Variants in TNPO3 observed in about 807,000 individuals in gnomAD.
TNPO3 encodes the protein transportin 3, also known as transportin-3.
In TNPO3, 65 loss-of-function variants were observed where a neutral mutation model predicts 122.8. The observed-to-expected ratio is 0.53, with a 90% CI of 0.43 to 0.65. TNPO3 has a LOEUF of 0.65. Among genes scored for constraint, TNPO3 ranks in the 30% least tolerant of loss-of-function variants. The pLI is 0.00. For missense variants in TNPO3, 850 were observed against 1,136.7 expected (o/e 0.75, Z 3.63); for synonymous variants, 372 against 411.2 (o/e 0.90, Z 1.15).
At chr7:129,034,616 G>A (rs944392035) in intron 1 of TNPO3, among the ~76,000 whole-genome samples, 5 of 151,500 alleles carry the variant, frequency 3.3e-5, no homozygotes, top group African/African-American at 4.9e-5. Context: ...GAGGCCAGGC[G>A]CGGTGGCTCA....
chr7:129,013,435 A>T (rs1207331625), intron 4 of TNPO3, among the ~76,000 whole-genome samples: 1 of 56,854 alleles, frequency 1.8e-5, no homozygotes, highest in African/African-American at 4.0e-5. Flanking sequence ...AAATAATAGC[A>T]AAAAAAAAAA....
chr7:128,987,976 T>A (rs1023389212), intron 11 of TNPO3, among the ~76,000 whole-genome samples: 1 of 152,038 alleles, frequency 6.6e-6, no homozygotes, highest in Non-Finnish European at 1.5e-5. Flanking sequence ...TAACATCTTT[T>A]TTTTTCTTTT....
chr7:129,049,943 G>A (rs1808502403), intron 1 of TNPO3, among the ~76,000 whole-genome samples: 1 of 152,196 alleles, frequency 6.6e-6, no homozygotes, highest in Non-Finnish European at 1.5e-5. Context: ...AAGGAGTGGA[G>A]CTGGATGTGG....
At chr7:128,959,179 C>T (rs367730310) in intron 21 of TNPO3, among the ~76,000 whole-genome samples, 5 of 152,262 alleles carry the variant, frequency 3.3e-5, no homozygotes, top group East Asian at 3.9e-4. Flanking sequence ...CACTCATGCT[C>T]CCAATGTCAG....
At chr7:128,969,520 T>C (rs1798252095) in intron 20 of TNPO3, among the ~76,000 whole-genome samples, 1 of 152,232 alleles carries the variant, frequency 6.6e-6, no homozygotes, top group South Asian at 2.1e-4. Context: ...TTTCAGGTTA[T>C]ATTATACTTT....
At chr7:128,979,317 C>T (rs1799399233) in intron 15 of TNPO3, among the ~76,000 whole-genome samples, 194 bp from the exon 16 acceptor site, 1 of 152,214 alleles carries the variant, frequency 6.6e-6, no homozygotes, top group African/African-American at 2.4e-5. Context: ...CAAGAGAAAA[C>T]AGTGCCTCTT....
At chr7:129,034,447 G>A (rs747455582) in intron 1 of TNPO3, among the ~76,000 whole-genome samples, 39 of 151,722 alleles carry the variant, frequency 2.6e-4, no homozygotes, top group Non-Finnish European at 3.8e-4. Context: ...CAGAGGTTGC[G>A]GTGAGCCATG....
Position 129,000,485 on chromosome 7 carries a change from C to T in TNPO3, c.955G>A (p.Gly319Arg). Residue 319 changes from glycine to arginine, a missense_variant, in exon 7 of 23, where the codon GGG (glycine) becomes AGG (arginine). Coordinates refer to ENST00000265388, the MANE Select transcript of TNPO3 (RefSeq NM_012470.4). ...KIVCTPGQGL[G>R]DLRTLELLLI... ...AGCAGCTCCAGAGTTCGAAGGTCCCCAAGACCTTGGCCTGGAGTACAAACA... is the reference window on the plus strand; with the variant it reads ...AGCAGCTCCAGAGTTCGAAGGTCCCTAAGACCTTGGCCTGGAGTACAAACA... 1.9e-6 allele frequency: 3 copies of T among 1,614,068 alleles called. No individual in the cohort carries two copies. The highest frequency in any genetic ancestry group is 2.5e-6 in the Non-Finnish European group (3 of 1,179,974).
intron 4 of TNPO3, among the ~76,000 whole-genome samples, chr7:129,009,834 CA>C (rs1447497204): frequency 6.6e-6 from 1 of 152,164 alleles, no homozygotes; most frequent in African/African-American, 2.4e-5. Context: ...ACTCGTATAC[CA>C]AACTTAGTTG....
chr7:129,003,460 G>A (rs528763000), intron 5 of TNPO3, among the ~76,000 whole-genome samples: 69 of 151,692 alleles, frequency 4.5e-4, no homozygotes, highest in African/African-American at 1.2e-3. Context: ...GCTTGAGGCC[G>A]GTTCAAGACT....
chr7:128,982,124 A>C (rs546126373), intron 14 of TNPO3, 124 bp downstream of exon 14: 3 of 721,976 alleles, frequency 4.2e-6, no homozygotes, highest in Non-Finnish European at 6.6e-6. Flanking sequence ...CAGCTGGCTT[A>C]ATTAGTCTCC....
chr7:128,994,660 CTTTTAT>C (rs1368613425), intron 8 of TNPO3, among the ~76,000 whole-genome samples: 1 of 151,708 alleles, frequency 6.6e-6, no homozygotes, highest in Non-Finnish European at 1.5e-5. Context: ...AGAAAATATA[CTTTTAT>C]TTTTATTTTT....
At position 129,034,574 on chromosome 7, in the gene TNPO3, CA is replaced by C. The variant is rs560633142; in HGVS notation, c.121-16418del. On this transcript the variant is annotated intron_variant, in intron 1 of 22. Coordinates refer to ENST00000265388, the MANE Select transcript of TNPO3 (RefSeq NM_012470.4). The stretch of plus-strand genomic sequence containing the variant: ...ATCTGCTCAATTACTTTTTGAATTT[CA>C]AAGAGATCTGTCCCTGTCATAAAGA... Among the ~76,000 whole-genome samples, 23 of 152,116 alleles carry C rather than the reference CA, an allele frequency of 1.5e-4. No homozygotes were observed. In the East Asian group the frequency reaches 4.3e-3, roughly 28 times the overall value.
chr7:129,027,327 G>A (rs1006238017), intron 1 of TNPO3, among the ~76,000 whole-genome samples: 4 of 151,892 alleles, frequency 2.6e-5, no homozygotes, highest in African/African-American at 4.8e-5. Context: ...TTGGGAGGCC[G>A]AGGCGGGCAG....
At chr7:128,958,137 C>CCTT (rs1797080221) in intron 21 of TNPO3, among the ~76,000 whole-genome samples, 1 of 96,202 alleles carries the variant, frequency 1.0e-5, no homozygotes, top group African/African-American at 4.1e-5. Flanking sequence ...GAAGCACTTC[C>CCTT]TTTTTTTTTT....
intron 22 of TNPO3, 118 bp from the exon 23 acceptor site, chr7:128,955,503 T>C (rs976273332): frequency 1.5e-4 from 52 of 347,704 alleles, no homozygotes; most frequent in African/African-American, 1.1e-3. Context: ...AGTCTGCCAA[T>C]AAGAACTCAG....
chr7:128,971,206 C>T (rs189617302), intron 19 of TNPO3, among the ~76,000 whole-genome samples: 227 of 151,390 alleles, frequency 1.5e-3, no homozygotes, highest in Non-Finnish European at 2.9e-3. Context: ...AGTGCAGTGG[C>T]CTGATCTTAG....
chr7:128,967,209 G>A (rs1217135617), intron 21 of TNPO3, 71 bp downstream of exon 21: 7 of 1,015,516 alleles, frequency 6.9e-6, no homozygotes, highest in African/African-American at 1.6e-5. Context: ...ATTTCCCAAG[G>A]GCACATAAGA....
chr7:128,963,609 T>C (rs890360504), intron 21 of TNPO3, among the ~76,000 whole-genome samples: 2 of 152,254 alleles, frequency 1.3e-5, no homozygotes, highest in African/African-American at 4.8e-5. Context: ...ACTTGATCTA[T>C]GGCTAAAAGT....
Sources: gnomAD v4.1 joint callset for allele counts (sites outside exome capture counted in the v4.1 genomes callset) on GRCh38, gnomAD v4.1.1 for gene constraint, MANE v1.5 for transcripts, NCBI Gene and HGNC (gene_info 2026-07-23, HGNC 2026-07-21) for gene names.